Variants in SUCO observed in about 807,000 individuals in gnomAD.
The protein encoded by SUCO is SUN domain containing ossification factor, also known as SUN domain-containing ossification factor.
In SUCO, 57 loss-of-function variants were observed where a neutral mutation model predicts 148.1. The ratio of observed to expected loss-of-function variants is 0.38; its 90% CI spans 0.31 to 0.48. The LOEUF is 0.48. SUCO is among the 20% of genes least tolerant of loss of function. SUCO has a pLI of 0.96. For synonymous variants in SUCO, 470 were observed against 502.7 expected (o/e 0.93, Z 0.87); for missense variants, 1,331 against 1,468.2 (o/e 0.91, Z 1.53).
At chr1:172,533,582 G>T in intron 1 of SUCO, 85 bp downstream of exon 1, 1 of 1,432,150 alleles carries the variant, frequency 7.0e-7, no homozygotes, top group Non-Finnish European at 9.2e-7. Context: ...GGTCATTTTG[G>T]CTTTTAGGGT....
intron 10 of SUCO, among the ~76,000 whole-genome samples, chr1:172,574,268 C>T (rs1349598571): frequency 6.6e-6 from 1 of 152,014 alleles, no homozygotes; most frequent in Non-Finnish European, 1.5e-5. Flanking sequence ...GTGCCTTGCC[C>T]AGGTCACATG....
chr1:172,570,638 G>C (rs955550237), intron 8 of SUCO, 25 bp from the exon 9 acceptor site: 1 of 1,432,420 alleles, frequency 7.0e-7, no homozygotes, highest in Non-Finnish European at 9.8e-7. Context: ...TAAGTAATTT[G>C]TTTCCTTTCC....
rs1306036453 is a variant in SUCO, at chr1:172,611,431, GGAGA to G, written c.*1175_*1178del. 3 of 152,532 alleles carry G rather than the reference GGAGA, an allele frequency of 2.0e-5. No individual in the cohort carries two copies. The highest frequency in any genetic ancestry group is 7.2e-5 in the African/African-American group (3 of 41,422). The allele number at this position is 152,532 out of a possible 1,614,324, so 9.4% of individuals were successfully genotyped here. A position where few individuals can be genotyped will look rare whatever the true frequency, so the allele number is the denominator to read the frequency against. ...AGTGGAACATGTTTCTTTTTGAAAG[GGAGA>G]GAATTGACCATTTATTGTTGTGATG... On this transcript the variant is annotated 3_prime_UTR_variant, in exon 24 of 24. Transcript: ENST00000263688.
At position 172,611,181 on chromosome 1, in the gene SUCO, A is replaced by G. The variant is rs576787120; in HGVS notation, c.*922A>G. 2.0e-5 allele frequency: 3 copies of G among 152,758 alleles called. No homozygotes were observed. Among genetic ancestry groups the G allele is most frequent in the East Asian group, 3.9e-4 (2 of 5,188 alleles). 9.5% of individuals were successfully genotyped at this position (152,758 alleles called of 1,614,324 possible). ...CATGATATAATCACTGCCTGCATACATATGCACAGATCCAGTTAGTGAGTT... is the reference window on the plus strand; with the variant it reads ...CATGATATAATCACTGCCTGCATACGTATGCACAGATCCAGTTAGTGAGTT... On this transcript the variant is annotated 3_prime_UTR_variant, in exon 24 of 24. Coordinates refer to ENST00000263688, the MANE Select transcript of SUCO (RefSeq NM_014283.5).
chr1:172,589,106 CCT>C lies in SUCO; in HGVS notation c.2006_2007del (p.Pro669ArgfsTer26), dbSNP rs1558203652. On this transcript the variant is annotated frameshift_variant, in exon 18 of 24. Transcript: ENST00000263688. LOFTEE classifies it high-confidence loss of function. ...LVLAQPPLLL[P>X]AESVDVSVLQ... Reference sequence around the variant, plus strand: ...GTTAGCTCAACCACCCTTACTACTTCCTGCGGAATCAGTAGATGTTTCAGTAT... The same window carrying C: ...GTTAGCTCAACCACCCTTACTACTTCGCGGAATCAGTAGATGTTTCAGTAT... 6.2e-7 allele frequency: 1 copy of C among 1,613,366 alleles called. No homozygotes were observed. Among genetic ancestry groups the C allele is most frequent in the Non-Finnish European group, 8.5e-7 (1 of 1,179,624 alleles).
upstream of SUCO, chr1:172,532,555 G>C (rs189134304): frequency 4.9e-4 from 784 of 1,613,870 alleles, no homozygotes; most frequent in Non-Finnish European, 6.1e-4. Flanking sequence ...CAGGGAAAGG[G>C]CTTGGTGCAG....
At chr1:172,582,836 G>A (rs756313879) in intron 15 of SUCO, among the ~76,000 whole-genome samples, 1 of 152,110 alleles carries the variant, frequency 6.6e-6, no homozygotes, top group Non-Finnish European at 1.5e-5. Flanking sequence ...TTCCTGAAAT[G>A]ATGATAATAA....
At chr1:172,562,327 A>T (rs61103448) in intron 6 of SUCO, among the ~76,000 whole-genome samples, 4,671 of 137,676 alleles carry the variant, frequency 0.034, 234 homozygotes, top group African/African-American at 0.12. Flanking sequence ...GGGTTTTAAC[A>T]TTTTTTTTTT....
At chr1:172,588,055 G>T in intron 17 of SUCO, 1 of 980,586 alleles carries the variant, frequency 1.0e-6, no homozygotes, top group Non-Finnish European at 1.2e-6. Flanking sequence ...AGCCAGAATT[G>T]TTATTAAAGT....
chr1:172,533,196 T>A lies in SUCO; in HGVS notation c.-240T>A, dbSNP rs1263415642. 29 of 1,504,922 alleles carry A rather than the reference T, an allele frequency of 1.9e-5. No homozygotes were observed. The highest frequency in any genetic ancestry group is 2.3e-5 in the Non-Finnish European group (26 of 1,127,484). The allele number at this position is 1,504,922 out of a possible 1,614,324, so 93.2% of individuals were successfully genotyped here. A position where few individuals can be genotyped will look rare whatever the true frequency, so the allele number is the denominator to read the frequency against. The stretch of plus-strand genomic sequence containing the variant: ...CAGGAGGCGGGCGTGGACGAGCCGG[T>A]GGCTGCAGCGGCGGCGGTCCCCGGA... On this transcript the variant is annotated 5_prime_UTR_variant, in exon 1 of 24. Transcript: ENST00000263688.
chr1:172,560,727 A>G (rs1427282199), intron 6 of SUCO, among the ~76,000 whole-genome samples: 12 of 152,222 alleles, frequency 7.9e-5, no homozygotes, highest in Admixed American at 7.9e-4. Context: ...GTTTTGATAC[A>G]TAAGGGAAAG....
rs547614989 is a variant in SUCO at position 172,544,943 on chromosome 1, T to C, written c.63-6569T>C. On this transcript the variant is annotated intron_variant, in intron 1 of 23. Transcript: ENST00000263688. ...GGAATTAGGGAGATCTGTTAGGAGG[T>C]TGCTCTAGGTAAGAGATAAGGGCTT... Among the ~76,000 whole-genome samples, 155 of 152,254 alleles carry C rather than the reference T, an allele frequency of 1.0e-3. 1 individual carries two copies. Among genetic ancestry groups the C allele is most frequent in the Non-Finnish European group, 1.7e-3 (114 of 68,020 alleles).
chr1:172,597,841 T>G (rs1407265667), intron 19 of SUCO, among the ~76,000 whole-genome samples: 1 of 152,206 alleles, frequency 6.6e-6, no homozygotes, highest in African/African-American at 2.4e-5. Context: ...GCATCTTACT[T>G]TCCTATTCAT....
intron 4 of SUCO, 77 bp downstream of exon 4, chr1:172,556,100 C>A: frequency 2.6e-6 from 3 of 1,155,696 alleles, no homozygotes; most frequent in Non-Finnish European, 3.7e-6. Context: ...AAAGATAAAG[C>A]AGCTTGATAC....
chr1:172,551,273 C>G (rs545138386), intron 1 of SUCO, among the ~76,000 whole-genome samples: 1 of 151,996 alleles, frequency 6.6e-6, no homozygotes, highest in Non-Finnish European at 1.5e-5. Flanking sequence ...TGAAGACTTT[C>G]CTGTTGTACC....
intron 1 of SUCO, among the ~76,000 whole-genome samples, chr1:172,536,204 C>G (rs894862386): frequency 2.6e-5 from 4 of 152,168 alleles, no homozygotes; most frequent in Admixed American, 2.0e-4. Context: ...GTTTAAGCAG[C>G]TGTTAAGCTT....
At chr1:172,600,766 G>C (rs888183368) in intron 20 of SUCO, among the ~76,000 whole-genome samples, 1 of 151,878 alleles carries the variant, frequency 6.6e-6, no homozygotes, top group Admixed American at 6.6e-5. Flanking sequence ...GCTTTAGTTA[G>C]AGTGATCTTG....
rs145242307 is a variant in SUCO, at chr1:172,557,297, G to T, written c.461G>T (p.Gly154Val). ...ISKLDEIEKS[G>V]TIPIAKPSET... Reference sequence around the variant, plus strand: ...TTTTTTAGTGAAATAGAAAAATCTGGTACTATTCCGATAGCCAAACCAAGT... The same window carrying T: ...TTTTTTAGTGAAATAGAAAAATCTGTTACTATTCCGATAGCCAAACCAAGT... Residue 154 changes from glycine to valine, a missense_variant, in exon 5 of 24, where the codon GGT becomes GTT. Around this residue, in one of 3 missense-constraint regions of SUCO, gnomAD observed 992 missense variants for 1,093.5 expected, o/e 0.91. Transcript: ENST00000263688. 61 of 1,613,284 alleles carry T rather than the reference G, an allele frequency of 3.8e-5. No homozygotes were observed. Among genetic ancestry groups the T allele is most frequent in the Non-Finnish European group, 4.7e-5 (56 of 1,179,688 alleles).
At chr1:172,553,191 T>C in intron 2 of SUCO, 69 bp from the exon 3 acceptor site, 1 of 1,402,042 alleles carries the variant, frequency 7.1e-7, no homozygotes, top group Non-Finnish European at 9.4e-7. Context: ...AAAAACCATC[T>C]TCGTATTGCT....
Sources: gnomAD v4.1 joint callset for allele counts (sites outside exome capture counted in the v4.1 genomes callset) on GRCh38, gnomAD v4.1.1 for gene constraint, gnomAD v4.1.1 regional missense constraint, MANE v1.5 for transcripts, NCBI Gene and HGNC (gene_info 2026-07-23, HGNC 2026-07-21) for gene names.